Variants in ALCAM observed in about 807,000 individuals in gnomAD.
ALCAM encodes the protein CD166 antigen.
A neutral mutation model predicts 70.9 loss-of-function variants in ALCAM; 30 were observed. That is an observed-to-expected ratio of 0.42 (90% CI 0.32 to 0.57). The LOEUF (loss-of-function observed/expected upper bound fraction) is 0.57, where lower values mean the gene tolerates loss of function less well. Among genes scored for constraint, ALCAM ranks in the 20% least tolerant of loss-of-function variants. The probability of loss-of-function intolerance (pLI) is 0.11; values close to 1 mark genes in which losing one functional copy is unlikely to be tolerated. For missense variants in ALCAM, 591 were observed against 695.1 expected, an observed-to-expected ratio of 0.85 and a Z score of 1.68; for synonymous variants, 249 against 242.5, an observed-to-expected ratio of 1.03 and a Z score of -0.25.
At chr3:105,506,000 T>A (rs1414510295) in intron 1 of ALCAM, among the ~76,000 whole-genome samples, 1 of 152,194 alleles carries the variant, frequency 6.6e-6, no homozygotes, top group Non-Finnish European at 1.5e-5. Flanking sequence ...TTTTTATTGA[T>A]CTTATGTGTT....
At chr3:105,411,609 A>G (rs1936393227) in intron 1 of ALCAM, among the ~76,000 whole-genome samples, 1 of 152,130 alleles carries the variant, frequency 6.6e-6, no homozygotes, top group Non-Finnish European at 1.5e-5. Context: ...GGTAATTCCC[A>G]TCTTAGGGAA....
chr3:105,524,560 A>G, intron 3 of ALCAM, 52 bp downstream of exon 3: 2 of 1,606,928 alleles, frequency 1.2e-6, no homozygotes, highest in Non-Finnish European at 1.7e-6. Context: ...GGCCAGTACC[A>G]GACCATGTTC....
chr3:105,449,595 CTTAA>C (rs1937377890), intron 1 of ALCAM, among the ~76,000 whole-genome samples: 1 of 152,118 alleles, frequency 6.6e-6, no homozygotes, highest in Admixed American at 6.5e-5. Context: ...CTGAGAGCTG[CTTAA>C]TTAATCTGTT....
At chr3:105,504,295 G>A (rs1939003504) in intron 1 of ALCAM, among the ~76,000 whole-genome samples, 1 of 152,154 alleles carries the variant, frequency 6.6e-6, no homozygotes, top group South Asian at 2.1e-4. Flanking sequence ...GTCTATAGGC[G>A]GCTTGTGTTA....
In ALCAM at chr3:105,552,149, A is replaced by C; in HGVS notation, c.1513A>C (p.Ile505Leu). ...VNSLNVSAIS[I>L]PEHDEADEIS... ...ATTAACATTTTTCATTTCAGTAAGTATTCCAGAACACGATGAGGCAGACGA... is the reference window on the plus strand; with the variant it reads ...ATTAACATTTTTCATTTCAGTAAGTCTTCCAGAACACGATGAGGCAGACGA... The change falls in exon 13 of 16, where the codon ATT (isoleucine) becomes CTT (leucine). Residue 505 changes from isoleucine (I) to leucine (L), a missense_variant. Coordinates refer to ENST00000306107, the MANE Select transcript of ALCAM (RefSeq NM_001627.4). 6.3e-7 allele frequency: 1 copy of C among 1,599,696 alleles called. No individual in the cohort carries two copies. Among genetic ancestry groups the C allele is most frequent in the Non-Finnish European group, 8.5e-7 (1 of 1,174,606 alleles).
chr3:105,462,329 G>C (rs912221485), intron 1 of ALCAM, among the ~76,000 whole-genome samples: 1 of 151,456 alleles, frequency 6.6e-6, no homozygotes, highest in African/African-American at 2.4e-5. Flanking sequence ...GAATAGAAAA[G>C]AGAAAAAGAA....
intron 4 of ALCAM, among the ~76,000 whole-genome samples, chr3:105,532,987 T>C (rs928109483): frequency 1.3e-5 from 2 of 152,168 alleles, no homozygotes; most frequent in Non-Finnish European, 2.9e-5. Flanking sequence ...GAGTTCCATA[T>C]TGAATAATAA....
intron 1 of ALCAM, among the ~76,000 whole-genome samples, chr3:105,373,519 T>C (rs1935295672): frequency 6.6e-6 from 1 of 152,122 alleles, no homozygotes; most frequent in African/African-American, 2.4e-5. Context: ...ATTTGAACTG[T>C]GAATGAAGAA....
chr3:105,443,566 A>G (rs987719203), intron 1 of ALCAM, among the ~76,000 whole-genome samples: 1 of 152,348 alleles, frequency 6.6e-6, no homozygotes, highest in Middle Eastern at 3.4e-3. Flanking sequence ...TTCTAAAATA[A>G]TGGACTCTTA....
At chr3:105,428,255 G>T (rs2107431386) in intron 1 of ALCAM, among the ~76,000 whole-genome samples, 1 of 151,866 alleles carries the variant, frequency 6.6e-6, no homozygotes, top group South Asian at 2.1e-4. Context: ...ACAGAACAGT[G>T]ATCCTCATAA....
intron 14 of ALCAM, among the ~76,000 whole-genome samples, chr3:105,571,444 G>A (rs1296483718): frequency 6.6e-6 from 1 of 152,168 alleles, no homozygotes; most frequent in African/African-American, 2.4e-5. Flanking sequence ...ATACATGATA[G>A]GGAACACCAG....
chr3:105,414,123 G>A (rs2107400887), intron 1 of ALCAM, among the ~76,000 whole-genome samples: 1 of 152,116 alleles, frequency 6.6e-6, no homozygotes. Context: ...AAATGGTCGA[G>A]TGCAGTGGCT....
chr3:105,420,996 G>T (rs966585174), intron 1 of ALCAM, among the ~76,000 whole-genome samples: 1 of 151,344 alleles, frequency 6.6e-6, no homozygotes, highest in Non-Finnish European at 1.5e-5. Context: ...AGTTAACTCC[G>T]GGGCAACTTT....
chr3:105,384,167 C>T (rs1244456332), intron 1 of ALCAM, among the ~76,000 whole-genome samples: 2 of 151,500 alleles, frequency 1.3e-5, no homozygotes, highest in Non-Finnish European at 3.0e-5. Flanking sequence ...CAGTCACTAA[C>T]TTAACAAAAT....
chr3:105,399,804 T>A (rs1936044344), intron 1 of ALCAM, among the ~76,000 whole-genome samples: 1 of 152,126 alleles, frequency 6.6e-6, no homozygotes, highest in Non-Finnish European at 1.5e-5. Flanking sequence ...CAAGAGCCAC[T>A]CTGTTTGGAA....
chr3:105,386,377 C>A (rs984018299), intron 1 of ALCAM, among the ~76,000 whole-genome samples: 3 of 151,592 alleles, frequency 2.0e-5, no homozygotes, highest in Non-Finnish European at 4.4e-5. Context: ...ATACTCAAGG[C>A]TGGCATAAAT....
chr3:105,448,243 T>G (rs1203936899), intron 1 of ALCAM, among the ~76,000 whole-genome samples: 1 of 152,218 alleles, frequency 6.6e-6, no homozygotes, highest in Non-Finnish European at 1.5e-5. Flanking sequence ...GTATAGATTT[T>G]TACCACATTT....
intron 14 of ALCAM, among the ~76,000 whole-genome samples, chr3:105,562,130 G>A (rs924546986): frequency 6.6e-6 from 1 of 152,188 alleles, no homozygotes; most frequent in East Asian, 1.9e-4. Context: ...GCCCTGCCCT[G>A]AGACATCTCA....
At chr3:105,522,450 A>T (rs1206637373) in intron 2 of ALCAM, among the ~76,000 whole-genome samples, 1 of 152,160 alleles carries the variant, frequency 6.6e-6, no homozygotes, top group African/African-American at 2.4e-5. Flanking sequence ...TAATGTAACC[A>T]CCTAAAAGAC....
Sources: allele counts gnomAD v4.1 joint callset (sites outside exome capture counted in the v4.1 genomes callset), GRCh38; gene constraint gnomAD v4.1.1; transcripts MANE v1.5; gene names NCBI Gene and HGNC (gene_info 2026-07-23, HGNC 2026-07-21).